KIAA1549L: variants seen among roughly 807,000 people sequenced by gnomAD.
KIAA1549L encodes KIAA1549 like, also known as UPF0606 protein KIAA1549L.
A neutral mutation model predicts 160.7 loss-of-function variants in KIAA1549L; 88 were observed. That is an observed-to-expected ratio of 0.55 (90% CI 0.46 to 0.65). The LOEUF (loss-of-function observed/expected upper bound fraction) is 0.65, where lower values mean the gene tolerates loss of function less well. Among genes scored for constraint, KIAA1549L ranks in the 30% least tolerant of loss-of-function variants. The probability of loss-of-function intolerance (pLI) is 0.00; values close to 1 mark genes in which losing one functional copy is unlikely to be tolerated. For synonymous variants in KIAA1549L, 950 were observed against 976.7 expected (o/e 0.97, Z 0.51); for missense variants, 2,258 against 2,437.5 (o/e 0.93, Z 1.55).
At chr11:33,406,807 G>T (rs909426992) in intron 1 of KIAA1549L, among the ~76,000 whole-genome samples, 2 of 152,140 alleles carry the variant, frequency 1.3e-5, no homozygotes, top group African/African-American at 4.8e-5. Context: ...TCATTTTTGG[G>T]GTAACAGTTT....
intron 1 of KIAA1549L, among the ~76,000 whole-genome samples, chr11:33,517,932 G>A (rs1040095397): frequency 6.6e-6 from 1 of 151,834 alleles, no homozygotes; most frequent in African/African-American, 2.4e-5. Flanking sequence ...ATGAGGCCAG[G>A]AGTTCAAGAC....
chr11:33,467,358 C>T (rs1230661554), intron 1 of KIAA1549L, among the ~76,000 whole-genome samples: 1 of 152,164 alleles, frequency 6.6e-6, no homozygotes, highest in African/African-American at 2.4e-5. Flanking sequence ...AACACAAGCA[C>T]ACACATACTA....
intron 1 of KIAA1549L, among the ~76,000 whole-genome samples, chr11:33,492,083 G>T (rs1852678986): frequency 6.6e-6 from 1 of 152,124 alleles, no homozygotes; most frequent in African/African-American, 2.4e-5. Context: ...GCAAAATTTT[G>T]CTGCCAGTTG....
intron 1 of KIAA1549L, among the ~76,000 whole-genome samples, chr11:33,427,209 T>G (rs1414114495): frequency 6.6e-6 from 1 of 151,734 alleles, no homozygotes; most frequent in Non-Finnish European, 1.5e-5. Flanking sequence ...CTTCATACCT[T>G]CTCTTCCTCA....
intron 1 of KIAA1549L, among the ~76,000 whole-genome samples, chr11:33,460,532 T>C (rs1470374078): frequency 6.6e-6 from 1 of 152,200 alleles, no homozygotes; most frequent in Non-Finnish European, 1.5e-5. Flanking sequence ...AGTGCTGCCA[T>C]GTTCAATGGT....
At chr11:33,608,573 C>G (rs2133326611) in intron 14 of KIAA1549L, among the ~76,000 whole-genome samples, 1 of 152,364 alleles carries the variant, frequency 6.6e-6, no homozygotes, top group African/African-American at 2.4e-5. Flanking sequence ...GTTATGGATA[C>G]ATGTGATGGC....
intron 13 of KIAA1549L, among the ~76,000 whole-genome samples, chr11:33,604,530 C>G (rs1157553339): frequency 6.6e-6 from 1 of 152,116 alleles, no homozygotes; most frequent in Non-Finnish European, 1.5e-5. Context: ...CAGCACAATT[C>G]ACAATTGCAA....
intron 1 of KIAA1549L, among the ~76,000 whole-genome samples, chr11:33,490,342 G>A (rs1406780602): frequency 1.2e-5 from 1 of 81,090 alleles, no homozygotes; most frequent in Non-Finnish European, 2.4e-5. Flanking sequence ...TTTTTTTTTT[G>A]AGACAGTATC....
At chr11:33,575,826 G>A (rs1294794864) in intron 10 of KIAA1549L, among the ~76,000 whole-genome samples, 2 of 152,198 alleles carry the variant, frequency 1.3e-5, no homozygotes, top group Non-Finnish European at 2.9e-5. Context: ...GAATTGGAAA[G>A]GTGTATTGAT....
intron 11 of KIAA1549L, among the ~76,000 whole-genome samples, chr11:33,588,837 G>A (rs1445653117): frequency 6.6e-6 from 1 of 152,150 alleles, no homozygotes; most frequent in Admixed American, 6.5e-5. Context: ...AGAAGGGGGT[G>A]ATTATACTTC....
intron 17 of KIAA1549L, among the ~76,000 whole-genome samples, chr11:33,649,531 G>A (rs75802388): frequency 0.032 from 4,446 of 139,270 alleles, 247 homozygotes; most frequent in African/African-American, 0.11. Flanking sequence ...AAAAAAAGAA[G>A]CAGCAGCAGC....
intron 9 of KIAA1549L, among the ~76,000 whole-genome samples, chr11:33,572,161 T>G (rs1305780085): frequency 6.6e-6 from 1 of 152,046 alleles, no homozygotes; most frequent in Admixed American, 6.6e-5. Context: ...CTCAGCCTCC[T>G]GAGTAGCTGG....
intron 16 of KIAA1549L, among the ~76,000 whole-genome samples, chr11:33,619,746 A>C (rs959391493): frequency 3.3e-5 from 5 of 152,186 alleles, no homozygotes; most frequent in Non-Finnish European, 4.4e-5. Flanking sequence ...TAGTTTTATA[A>C]ATTATAGATG....
chr11:33,511,727 A>G (rs550006019), intron 1 of KIAA1549L, among the ~76,000 whole-genome samples: 2 of 152,234 alleles, frequency 1.3e-5, no homozygotes, highest in South Asian at 2.1e-4. Context: ...CAGATGGCAC[A>G]TGTCAAGAAC....
chr11:33,610,242 G>C (rs1435650094), intron 15 of KIAA1549L, among the ~76,000 whole-genome samples: 1 of 152,114 alleles, frequency 6.6e-6, no homozygotes, highest in Non-Finnish European at 1.5e-5. Flanking sequence ...TTTCAGAGCT[G>C]AATGAAGATT....
At chr11:33,435,800 A>ATATATGTGTGTGTG (rs1565135897) in intron 1 of KIAA1549L, among the ~76,000 whole-genome samples, 28 of 12,880 alleles carry the variant, frequency 2.2e-3, no homozygotes, top group Non-Finnish European at 3.5e-3. Flanking sequence ...ATATATATAT[A>ATATATGTGTGTGTG]TATATATATA....
chr11:33,666,045 G>C (rs1564950222), intron 20 of KIAA1549L, among the ~76,000 whole-genome samples: 1 of 152,084 alleles, frequency 6.6e-6, no homozygotes, highest in Admixed American at 6.5e-5. Flanking sequence ...GCAGCTATGG[G>C]TGGGGTGGTT....
intron 1 of KIAA1549L, among the ~76,000 whole-genome samples, chr11:33,454,868 T>A (rs1159350167): frequency 6.6e-6 from 1 of 152,102 alleles, no homozygotes; most frequent in African/African-American, 2.4e-5. Context: ...GGCGGGTGGA[T>A]CACGAGGTCA....
rs565949262 is a variant in KIAA1549L at position 33,446,712 on chromosome 11, T to C, written c.238+69823T>C. Among the ~76,000 whole-genome samples, 3 of 152,288 alleles carry C rather than the reference T, an allele frequency of 2.0e-5. No individual in the cohort carries two copies. In the South Asian group the frequency reaches 6.2e-4, roughly 32 times the overall value. On this transcript the variant is annotated intron_variant, in intron 1 of 20. Coordinates refer to ENST00000658780, the MANE Select transcript of KIAA1549L (RefSeq NM_012194.3). ...AGTTTTAGAGGATACATGTCTAAGA[T>C]GGCTCACTCATATGACTGGAACATT...
Sources: allele counts gnomAD v4.1 joint callset (sites outside exome capture counted in the v4.1 genomes callset), GRCh38; gene constraint gnomAD v4.1.1; transcripts MANE v1.5; gene names NCBI Gene and HGNC (gene_info 2026-07-23, HGNC 2026-07-21).